DENND2A: variants seen among roughly 807,000 people sequenced by gnomAD.
The protein encoded by DENND2A is DENN domain-containing protein 2A.
DENND2A carries 53 observed loss-of-function variants against 105.3 expected under a neutral mutation model. That is an observed-to-expected ratio of 0.50 (90% confidence interval 0.40 to 0.63). The LOEUF (loss-of-function observed/expected upper bound fraction) is 0.63. DENND2A is among the 30% of genes least tolerant of loss of function. DENND2A has a pLI of 0.00. For missense variants in DENND2A, 1,138 were observed against 1,279.6 expected (o/e 0.89, Z 1.69); for synonymous variants, 522 against 508.4 (o/e 1.03, Z -0.36).
chr7:140,638,315 C>G (rs1801029797), intron 1 of DENND2A, among the ~76,000 whole-genome samples: 1 of 152,198 alleles, frequency 6.6e-6, no homozygotes, highest in Admixed American at 6.5e-5. Context: ...TCAGAAGGTC[C>G]ACATTCCTTT....
rs777180623 is a variant in DENND2A at position 140,573,951 on chromosome 7, G to T, written c.1303C>A (p.Leu435Met). Reference protein sequence around the residue: ...RQNSERRNFKLLDTRKLSRDG... With the variant: ...RQNSERRNFKMLDTRKLSRDG... ...CGACTCAGCTTCCTAGTGTCCAGCA[G>T]CTTGAAGTTCCTCCTCTCTGAATTT... The change falls in exon 6 of 20, where the codon CTG (leucine) becomes ATG (methionine). Residue 435 changes from leucine to methionine, a missense_variant. By Grantham distance (15) the Leu-to-Met change is conservative (BLOSUM62 2). This residue lies in a region of DENND2A where 627 missense variants were observed against 779.8 expected (regional missense o/e 0.80). Transcript: ENST00000496613. The T allele has an allele frequency of 1.9e-6, 3 of 1,614,170 alleles. No individual in the cohort carries two copies. The highest frequency in any genetic ancestry group is 2.5e-6 in the Non-Finnish European group (3 of 1,180,036).
chr7:140,545,500 G>A (rs370636381), intron 13 of DENND2A, among the ~76,000 whole-genome samples: 4 of 152,034 alleles, frequency 2.6e-5, no homozygotes, highest in South Asian at 2.1e-4. Context: ...ACAGGTGCCC[G>A]CCACCATGCC....
intron 3 of DENND2A, among the ~76,000 whole-genome samples, chr7:140,597,363 G>A (rs986221580): frequency 1.3e-5 from 2 of 152,180 alleles, no homozygotes; most frequent in Admixed American, 1.3e-4. Flanking sequence ...AAAGAGGGTG[G>A]TGCGTCTGCC....
intron 5 of DENND2A, among the ~76,000 whole-genome samples, chr7:140,582,055 C>T (rs2130635167): frequency 6.6e-6 from 1 of 152,128 alleles, no homozygotes; most frequent in South Asian, 2.1e-4. Flanking sequence ...ACCTCTGCCC[C>T]CCAGGTTCAA....
intron 10 of DENND2A, 129 bp from the exon 11 acceptor site, chr7:140,558,341 C>T: frequency 1.6e-6 from 1 of 615,712 alleles, no homozygotes; most frequent in Non-Finnish European, 2.9e-6. Context: ...AAGGCCACTC[C>T]CTGTCCCACC....
chr7:140,618,232 A>G (rs1800155357), intron 1 of DENND2A, among the ~76,000 whole-genome samples: 1 of 152,192 alleles, frequency 6.6e-6, no homozygotes, highest in African/African-American at 2.4e-5. Context: ...TACAGGTAAA[A>G]TATGGTTTAA....
intron 6 of DENND2A, among the ~76,000 whole-genome samples, chr7:140,572,559 G>A (rs539080897): frequency 3.7e-4 from 56 of 151,396 alleles, no homozygotes; most frequent in African/African-American, 1.2e-3. Flanking sequence ...TCAGCAGTTC[G>A]AGACCAGCCT....
rs189003258 is a variant in DENND2A, at chr7:140,597,327, C to A, written c.995+4076G>T. ...CTAAATCCTTAATCATTTCTTTCTT[C>A]AACCTTGGTTTGGCTTTCCTCCCTC... On this transcript the variant is annotated intron_variant, in intron 3 of 19. Coordinates refer to ENST00000496613, the MANE Select transcript of DENND2A (RefSeq NM_015689.5). 7.8e-4 allele frequency among the ~76,000 whole-genome samples: 119 copies of A among 152,300 alleles called. No homozygotes were observed. The South Asian group carries it at 0.012, about 16-fold the overall frequency.
intron 9 of DENND2A, among the ~76,000 whole-genome samples, chr7:140,565,974 A>G (rs1024721093): frequency 2.0e-5 from 3 of 152,244 alleles, no homozygotes; most frequent in Admixed American, 1.3e-4. Context: ...AAGGGGAGGC[A>G]TGAATAATCC....
At chr7:140,578,682 A>G (rs988077202) in intron 5 of DENND2A, among the ~76,000 whole-genome samples, 1 of 151,792 alleles carries the variant, frequency 6.6e-6, no homozygotes, top group African/African-American at 2.4e-5. Context: ...GGAGTTCGAG[A>G]CCAGCCTGGC....
chr7:140,586,491 G>A lies in DENND2A; in HGVS notation c.1124-781C>T, dbSNP rs554953071. ...GGAGAATTGCATGAACCTGGGAGGC[G>A]GAGGCTGCAGTGAGTTGAGACTGTG... On this transcript the variant is annotated intron_variant, in intron 4 of 19. Coordinates refer to ENST00000496613, the MANE Select transcript of DENND2A (RefSeq NM_015689.5). Among the ~76,000 whole-genome samples the A allele has an allele frequency of 2.6e-5, 4 of 152,064 alleles. No homozygotes were observed. In the East Asian group the frequency reaches 7.7e-4, roughly 29 times the overall value.
At chr7:140,532,455 G>GA (rs1320722623) in intron 14 of DENND2A, among the ~76,000 whole-genome samples, 1 of 152,176 alleles carries the variant, frequency 6.6e-6, no homozygotes, top group Non-Finnish European at 1.5e-5. Context: ...TAAAGGAGAA[G>GA]AAAAAATGCA....
chr7:140,546,928 C>G lies in DENND2A; in HGVS notation c.2049G>C (p.Glu683Asp), dbSNP rs776546550. The change falls in exon 13 of 20, where the codon GAG becomes GAC. Residue 683 changes from glutamate (E) to aspartate (D), a missense_variant. Physicochemically the swap from Glu to Asp is conservative, Grantham distance 45 (BLOSUM62 2). This residue lies in a region of DENND2A where 627 missense variants were observed against 779.8 expected (regional missense o/e 0.80). Transcript: ENST00000496613. ...CFSLFSRILD[E>D]VEKRRGISPA... The stretch of plus-strand genomic sequence containing the variant: ...GAGAGATGCCTCGTCTTTTTTCCAC[C>G]TCATCCAAGATCTGCAAGGGTCAGA... 6.2e-7 allele frequency: 1 copy of G among 1,613,440 alleles called. No homozygotes were observed. The highest frequency in any genetic ancestry group is 1.1e-5 in the South Asian group (1 of 90,910).
At chr7:140,566,692 T>TC (rs1054760539) in intron 9 of DENND2A, among the ~76,000 whole-genome samples, 12 of 147,622 alleles carry the variant, frequency 8.1e-5, no homozygotes, top group Non-Finnish European at 1.5e-4. Context: ...CTATTTTTTT[T>TC]TTTTTTTTTT....
At chr7:140,526,422 C>A (rs1035863178) in intron 15 of DENND2A, among the ~76,000 whole-genome samples, 1 of 152,248 alleles carries the variant, frequency 6.6e-6, no homozygotes, top group East Asian at 1.9e-4. Flanking sequence ...CAGACCCCAG[C>A]CAAGGCCACT....
intron 6 of DENND2A, among the ~76,000 whole-genome samples, chr7:140,572,217 G>C (rs1194413198): frequency 6.6e-6 from 1 of 151,718 alleles, no homozygotes; most frequent in Non-Finnish European, 1.5e-5. Context: ...ATGTTGCCCA[G>C]GCTGGTCTTG....
chr7:140,589,371 A>T (rs1798917457), intron 3 of DENND2A, among the ~76,000 whole-genome samples: 1 of 152,200 alleles, frequency 6.6e-6, no homozygotes, highest in Non-Finnish European at 1.5e-5. Context: ...ATACCCAGGC[A>T]GACCCTCTGT....
At chr7:140,535,642 C>T (rs920953387) in intron 14 of DENND2A, among the ~76,000 whole-genome samples, 7 of 151,350 alleles carry the variant, frequency 4.6e-5, no homozygotes, top group African/African-American at 9.7e-5. Flanking sequence ...AGTGCAATGG[C>T]GTCGTCTCAG....
At chr7:140,613,918 A>G (rs1041306474) in intron 1 of DENND2A, among the ~76,000 whole-genome samples, 2 of 151,996 alleles carry the variant, frequency 1.3e-5, no homozygotes, top group African/African-American at 4.8e-5. Context: ...TTCTTTTCCC[A>G]TGGAAAATGT....
Sources: allele counts gnomAD v4.1 joint callset (sites outside exome capture counted in the v4.1 genomes callset), GRCh38; gene constraint gnomAD v4.1.1; regional missense constraint gnomAD v4.1.1; transcripts MANE v1.5; gene names NCBI Gene and HGNC (gene_info 2026-07-23, HGNC 2026-07-21).